KCNJ16: variants seen among roughly 807,000 people sequenced by gnomAD.
The protein encoded by KCNJ16 is potassium inwardly rectifying channel subfamily J member 16, also known as inward rectifier potassium channel 16.
Under a neutral mutation model 18.5 loss-of-function variants are expected in KCNJ16, and 15 were observed. The ratio of observed to expected loss-of-function variants is 0.81; its 90% CI spans 0.54 to 1.25. The LOEUF (loss-of-function observed/expected upper bound fraction) is 1.25. Among genes scored for constraint, KCNJ16 ranks in the 50% most tolerant of loss-of-function variants. The pLI, the probability that KCNJ16 is intolerant of heterozygous loss-of-function variation, is 0.00. For synonymous variants in KCNJ16, 174 were observed against 186.5 expected (o/e 0.93, Z 0.55); for missense variants, 523 against 525.7 (o/e 0.99, Z 0.05).
intron 1 of KCNJ16, among the ~76,000 whole-genome samples, chr17:70,092,521 G>GATAGATAGATAC (rs1168020384): frequency 1.0e-5 from 1 of 98,890 alleles, no homozygotes; most frequent in African/African-American, 4.2e-5. Flanking sequence ...TAGATAGATA[G>GATAGATAGATAC]ATACATAGAC....
chr17:70,086,838 AAAC>A (rs1466665689), intron 1 of KCNJ16, among the ~76,000 whole-genome samples: 1 of 152,210 alleles, frequency 6.6e-6, no homozygotes, highest in African/African-American at 2.4e-5. Context: ...TGAAAATAAC[AAAC>A]AACATTTGTG....
At chr17:70,098,900 G>C (rs1420893763) in intron 1 of KCNJ16, among the ~76,000 whole-genome samples, 1 of 152,136 alleles carries the variant, frequency 6.6e-6, no homozygotes, top group Non-Finnish European at 1.5e-5. Context: ...AGAACAACCA[G>C]GTGTTGAGCA....
intron 1 of KCNJ16, among the ~76,000 whole-genome samples, chr17:70,090,447 C>G (rs1178821141): frequency 6.6e-6 from 1 of 152,144 alleles, no homozygotes; most frequent in Non-Finnish European, 1.5e-5. Context: ...CTTTTCTTTT[C>G]TAGCCTGAAT....
At chr17:70,109,115 A>G (rs1213743793) in intron 2 of KCNJ16, among the ~76,000 whole-genome samples, 2 of 152,050 alleles carry the variant, frequency 1.3e-5, no homozygotes, top group Non-Finnish European at 2.9e-5. Flanking sequence ...AGCCACCATC[A>G]CTCTGATTCC....
At chr17:70,080,910 A>C (rs766324036) in intron 1 of KCNJ16, among the ~76,000 whole-genome samples, 32 of 152,310 alleles carry the variant, frequency 2.1e-4, no homozygotes, top group Non-Finnish European at 3.2e-4. Flanking sequence ...TCCTATACTG[A>C]AGACAGCACA....
At position 70,132,985 on chromosome 17, in the gene KCNJ16, G is replaced by C; in HGVS notation, c.898G>C (p.Val300Leu). ...GTSHQSRSSY[V>L]PREILWGHRF... ...ATCTCACCAATCTAGAAGCTCCTAT[G>C]TTCCCCGAGAAATTCTCTGGGGCCA... is the stretch of plus-strand genomic sequence containing the variant. The change falls in exon 4 of 4, where the codon GTT becomes CTT. Residue 300 changes from valine (V) to leucine (L), a missense_variant. By Grantham distance (32) the Val-to-Leu change is conservative. Transcript: ENST00000392671. The C allele has an allele frequency of 6.2e-7, 1 of 1,614,114 alleles. No individual in the cohort carries two copies. The highest frequency in any genetic ancestry group is 8.5e-7 in the Non-Finnish European group (1 of 1,180,004).
At chr17:70,087,888 CA>C (rs1349888568) in intron 1 of KCNJ16, among the ~76,000 whole-genome samples, 1 of 151,332 alleles carries the variant, frequency 6.6e-6, no homozygotes, top group Non-Finnish European at 1.5e-5. Flanking sequence ...TTAGAAGTTG[CA>C]ATTACGTAAA....
intron 2 of KCNJ16, among the ~76,000 whole-genome samples, chr17:70,122,640 G>C (rs181448227): frequency 1.1e-3 from 167 of 152,296 alleles, no homozygotes; most frequent in Non-Finnish European, 7.5e-4. Flanking sequence ...GATACAATCT[G>C]ATTTGAGCAG....
At chr17:70,125,726 C>T (rs75652290) in intron 2 of KCNJ16, among the ~76,000 whole-genome samples, 2 of 152,200 alleles carry the variant, frequency 1.3e-5, no homozygotes, top group East Asian at 1.9e-4. Flanking sequence ...GTCAAGAGAT[C>T]GAGACCATCC....
intron 2 of KCNJ16, among the ~76,000 whole-genome samples, chr17:70,127,186 A>C (rs2073884657): frequency 6.6e-6 from 1 of 152,182 alleles, no homozygotes; most frequent in East Asian, 1.9e-4. Context: ...GAGGGAGAAG[A>C]GATCAGAAAG....
chr17:70,130,280 A>G (rs894816577), intron 2 of KCNJ16, among the ~76,000 whole-genome samples: 2 of 152,140 alleles, frequency 1.3e-5, no homozygotes, highest in African/African-American at 4.8e-5. Context: ...TTGTGGACAA[A>G]ATTTGTGAAA....
At chr17:70,103,296 GTATATATATATA>G (rs1173280296) in intron 2 of KCNJ16, among the ~76,000 whole-genome samples, 5 of 72,054 alleles carry the variant, frequency 6.9e-5, no homozygotes, top group African/African-American at 2.2e-4. Context: ...ATGTGTGTGT[GTATATATATATA>G]TATATATATA....
intron 1 of KCNJ16, among the ~76,000 whole-genome samples, chr17:70,089,595 A>G (rs540355840): frequency 6.6e-6 from 1 of 152,318 alleles, no homozygotes; most frequent in East Asian, 1.9e-4. Flanking sequence ...ATAAAACTAC[A>G]GGGTTTCCAT....
At chr17:70,096,962 C>G (rs1376834412) in intron 1 of KCNJ16, 2 of 398,144 alleles carry the variant, frequency 5.0e-6, no homozygotes, top group Non-Finnish European at 8.9e-6. Flanking sequence ...GTAACATGTC[C>G]TAACATATTA....
intron 2 of KCNJ16, among the ~76,000 whole-genome samples, chr17:70,105,691 G>A (rs375139179): frequency 2.6e-5 from 4 of 152,206 alleles, no homozygotes; most frequent in East Asian, 3.9e-4. Flanking sequence ...ATAAAAGCAC[G>A]GGGCTTTCGA....
intron 1 of KCNJ16, among the ~76,000 whole-genome samples, chr17:70,092,214 C>T (rs1272249031): frequency 1.3e-5 from 2 of 152,016 alleles, no homozygotes; most frequent in Admixed American, 6.6e-5. Context: ...CTACTTTTAG[C>T]CTGTATATTT....
rs1287138558 is a variant in KCNJ16, at chr17:70,130,961, T to C, written c.-108T>C. 7.2e-6 allele frequency: 11 copies of C among 1,535,446 alleles called. No individual in the cohort carries two copies. The highest frequency in any genetic ancestry group is 8.7e-6 in the Non-Finnish European group (10 of 1,146,452). Reference sequence around the variant, plus strand: ...GGAAATCCTTTGGCCTATTATACCATGGATGCTAAAAATGGTAAGAGCTGC... The same window carrying C: ...GGAAATCCTTTGGCCTATTATACCACGGATGCTAAAAATGGTAAGAGCTGC... On this transcript the variant is annotated 5_prime_UTR_variant, in exon 3 of 4. It removes an upstream start codon present in the reference 5' UTR. Transcript: ENST00000392671.
intron 1 of KCNJ16, among the ~76,000 whole-genome samples, chr17:70,086,330 C>A (rs977600784): frequency 4.6e-5 from 7 of 152,120 alleles, no homozygotes; most frequent in African/African-American, 1.7e-4. Context: ...TTCTGTATTT[C>A]CTTGGTTCAG....
Position 70,132,949 on chromosome 17 carries a change from T to G in KCNJ16, c.862T>G (p.Ser288Ala). ...GGTGACATTTATCTATACTGGTGAT[T>G]CCACTGGAACATCTCACCAATCTAG... ...ILVTFIYTGD[S>A]TGTSHQSRSS... Residue 288 changes from serine to alanine, a missense_variant, in exon 4 of 4, where the codon TCC (serine) becomes GCC (alanine). Transcript: ENST00000392671. 6.2e-7 allele frequency: 1 copy of G among 1,614,178 alleles called. No homozygotes were observed.
Sources: gnomAD v4.1 joint callset for allele counts (sites outside exome capture counted in the v4.1 genomes callset) on GRCh38, gnomAD v4.1.1 for gene constraint, MANE v1.5 for transcripts, NCBI Gene and HGNC (gene_info 2026-07-23, HGNC 2026-07-21) for gene names.